Variants in CSMD1 observed in about 807,000 individuals in gnomAD.
CSMD1 encodes the protein CUB and sushi domain-containing protein 1.
In CSMD1, 213 loss-of-function variants were observed where a neutral mutation model predicts 417.5. The observed-to-expected ratio is 0.51, with a 90% confidence interval of 0.46 to 0.57. CSMD1 has a LOEUF of 0.57. Among genes scored for constraint, CSMD1 ranks in the 20% least tolerant of loss-of-function variants. The probability of loss-of-function intolerance (pLI) is 0.00; values close to 1 mark genes in which losing one functional copy is unlikely to be tolerated. For synonymous variants in CSMD1, 2,862 were observed against 1,736.8 expected (o/e 1.65, Z -16.11); for missense variants, 6,923 against 4,529.7 (o/e 1.53, Z -15.17).
intron 5 of CSMD1, among the ~76,000 whole-genome samples, chr8:3,982,180 A>ATAATAATAT (rs1813927312): frequency 7.6e-6 from 1 of 131,402 alleles, no homozygotes; most frequent in Admixed American, 8.6e-5. Flanking sequence ...AATAATAATA[A>ATAATAATAT]TAATAATAAT....
At chr8:3,453,372 C>G (rs1033343659) in intron 12 of CSMD1, among the ~76,000 whole-genome samples, 1 of 151,962 alleles carries the variant, frequency 6.6e-6, no homozygotes, top group Admixed American at 6.6e-5. Context: ...TGTGTTTGCT[C>G]TTGCTTCTCT....
At chr8:3,374,838 C>A (rs962319016) in intron 18 of CSMD1, among the ~76,000 whole-genome samples, 19 of 152,180 alleles carry the variant, frequency 1.2e-4, no homozygotes, top group Non-Finnish European at 2.9e-5. Context: ...ACCCGCACCA[C>A]CCCATCACTT....
chr8:3,505,546 T>C (rs565120078), intron 10 of CSMD1, among the ~76,000 whole-genome samples: 1 of 152,290 alleles, frequency 6.6e-6, no homozygotes, highest in South Asian at 2.1e-4. Flanking sequence ...ATAATAGGAA[T>C]ACGTCACCTC....
chr8:4,016,147 G>A (rs1796512548), intron 4 of CSMD1, among the ~76,000 whole-genome samples: 1 of 152,272 alleles, frequency 6.6e-6, no homozygotes, highest in South Asian at 2.1e-4. Flanking sequence ...TTTTAGATAG[G>A]ATTGCATAAA....
At position 3,845,020 on chromosome 8, in the gene CSMD1, T is replaced by C. The variant is rs973807240; in HGVS notation, c.819-90978A>G. Among the ~76,000 whole-genome samples, 6 of 152,328 alleles carry C rather than the reference T, an allele frequency of 3.9e-5. No homozygotes were observed. The South Asian group carries it at 6.2e-4, about 16-fold the overall frequency. On this transcript the variant is annotated intron_variant, in intron 5 of 69. Coordinates refer to ENST00000635120, the MANE Select transcript of CSMD1 (RefSeq NM_033225.6). ...TTTAAAAGTTAACAAAGGTTATTGA[T>C]GTATAATTTTATAACACAATAAAGG...
chr8:4,275,704 C>G (rs781502025), intron 3 of CSMD1, among the ~76,000 whole-genome samples: 20 of 152,142 alleles, frequency 1.3e-4, no homozygotes, highest in African/African-American at 4.6e-4. Context: ...TGATAATACT[C>G]AGTGTGATTC....
In CSMD1 at chr8:3,700,971, A is replaced by T. The variant is rs552678970; in HGVS notation, c.1009+7443T>A. ...GCAGGGAGAGGCTGAGGATGACATG[A>T]TGATACAGGTGAGGGGCGACGGTGG... On this transcript the variant is annotated intron_variant, in intron 7 of 69. Coordinates refer to ENST00000635120, the MANE Select transcript of CSMD1 (RefSeq NM_033225.6). Among the ~76,000 whole-genome samples the T allele has an allele frequency of 2.0e-5, 3 of 151,746 alleles. No homozygotes were observed. The East Asian group carries it at 5.9e-4, about 30-fold the overall frequency.
intron 5 of CSMD1, among the ~76,000 whole-genome samples, chr8:3,940,860 T>G (rs996402546): frequency 1.1e-4 from 16 of 142,838 alleles, no homozygotes; most frequent in Non-Finnish European, 2.4e-4. Flanking sequence ...AAACTAATCA[T>G]ACGCTTCTTC....
At chr8:4,560,501 C>T (rs754606082) in intron 2 of CSMD1, among the ~76,000 whole-genome samples, 5 of 152,150 alleles carry the variant, frequency 3.3e-5, no homozygotes, top group Admixed American at 1.3e-4. Context: ...TCCTCTGACA[C>T]CCAAACTTTA....
At chr8:3,431,505 C>G (rs902353034) in intron 12 of CSMD1, among the ~76,000 whole-genome samples, 1 of 152,148 alleles carries the variant, frequency 6.6e-6, no homozygotes, top group African/African-American at 2.4e-5. Context: ...TGACCCATCC[C>G]ATCCCCATGC....
rs146028441 is a variant in CSMD1, at chr8:4,342,596, A to G, written c.415+77357T>C. ...GACACTTCCCCATAAGGTTACTGGG[A>G]AAAAAAAGATGGTAATATGATTCAC... On this transcript the variant is annotated intron_variant, in intron 3 of 69. Coordinates refer to ENST00000635120, the MANE Select transcript of CSMD1 (RefSeq NM_033225.6). Among the ~76,000 whole-genome samples, 386 of 151,862 alleles carry G rather than the reference A, an allele frequency of 2.5e-3. 18 individuals are homozygous for G. In the East Asian group the frequency reaches 0.064, roughly 25 times the overall value.
At chr8:3,601,514 C>T (rs911150708) in intron 8 of CSMD1, among the ~76,000 whole-genome samples, 4 of 152,168 alleles carry the variant, frequency 2.6e-5, no homozygotes, top group Non-Finnish European at 5.9e-5. Context: ...TTACCAACCT[C>T]GCTTGCACAT....
chr8:4,109,493 G>A (rs1801741032), intron 3 of CSMD1, among the ~76,000 whole-genome samples: 1 of 152,096 alleles, frequency 6.6e-6, no homozygotes, highest in South Asian at 2.1e-4. Context: ...TCCCATACAT[G>A]CTGTGCATGA....
At chr8:4,274,428 G>T (rs1341322187) in intron 3 of CSMD1, among the ~76,000 whole-genome samples, 4 of 152,084 alleles carry the variant, frequency 2.6e-5, no homozygotes, top group African/African-American at 9.7e-5. Flanking sequence ...GTGCCCAAGA[G>T]TTGCAAACGC....
intron 5 of CSMD1, among the ~76,000 whole-genome samples, chr8:3,977,678 G>A (rs1344552111): frequency 6.6e-6 from 1 of 152,060 alleles, no homozygotes; most frequent in Non-Finnish European, 1.5e-5. Context: ...ATAAGAATGT[G>A]GTAAATCACC....
At chr8:4,523,789 T>G (rs1403069273) in intron 2 of CSMD1, among the ~76,000 whole-genome samples, 1 of 152,190 alleles carries the variant, frequency 6.6e-6, no homozygotes, top group African/African-American at 2.4e-5. Flanking sequence ...TGCAGAGCAA[T>G]GTATACAAAT....
At chr8:4,792,836 A>G (rs960163962) in intron 1 of CSMD1, among the ~76,000 whole-genome samples, 1 of 152,112 alleles carries the variant, frequency 6.6e-6, no homozygotes, top group East Asian at 1.9e-4. Context: ...CCAAAGCTCA[A>G]TTTTAACAGG....
chr8:4,061,447 C>T (rs1271215572), intron 3 of CSMD1, among the ~76,000 whole-genome samples: 1 of 152,084 alleles, frequency 6.6e-6, no homozygotes, highest in Non-Finnish European at 1.5e-5. Context: ...TTATAGCTCC[C>T]TGAAAATGGA....
At chr8:4,014,572 T>A (rs189046066) in intron 4 of CSMD1, among the ~76,000 whole-genome samples, 44 of 152,306 alleles carry the variant, frequency 2.9e-4, no homozygotes. Flanking sequence ...ACCTGGATCA[T>A]CTCATCTAAT....
Sources: allele counts gnomAD v4.1 joint callset (sites outside exome capture counted in the v4.1 genomes callset), GRCh38; gene constraint gnomAD v4.1.1; transcripts MANE v1.5; gene names NCBI Gene and HGNC (gene_info 2026-07-23, HGNC 2026-07-21).